The following FHIP2A variants were observed in gnomAD, a reference collection of about 807,000 sequenced individuals.
FHIP2A encodes family with sequence similarity 160 member B1.
A neutral mutation model predicts 93.5 loss-of-function variants in FHIP2A; 46 were observed. That is an observed-to-expected ratio of 0.49 (90% CI 0.39 to 0.63). The LOEUF is 0.63. FHIP2A is among the 20% of genes least tolerant of loss of function. The pLI, the probability that FHIP2A is intolerant of heterozygous loss-of-function variation, is 0.00. For synonymous variants in FHIP2A, 332 were observed against 326.5 expected, an observed-to-expected ratio of 1.02 and a Z score of -0.18; for missense variants, 769 against 909.7, an observed-to-expected ratio of 0.85 and a Z score of 1.99.
intron 16 of FHIP2A, among the ~76,000 whole-genome samples, chr10:114,888,386 T>C (rs1197984834): frequency 6.6e-6 from 1 of 151,960 alleles, no homozygotes; most frequent in East Asian, 1.9e-4. Context: ...AATCTGTAAC[T>C]CCTAAAGGAT....
At chr10:114,843,397 T>C (rs1566370600) in intron 6 of FHIP2A, among the ~76,000 whole-genome samples, 171 bp downstream of exon 6, 1 of 151,806 alleles carries the variant, frequency 6.6e-6, no homozygotes, top group African/African-American at 2.4e-5. Context: ...CCTCCGCCTC[T>C]GGGTTCAAGC....
At position 114,848,695 on chromosome 10, in the gene FHIP2A, G is replaced by T. The variant is rs568323169; in HGVS notation, c.1761G>T (p.Glu587Asp). Residue 587 changes from glutamate to aspartate, a missense_variant, in exon 13 of 17, where the codon GAG (glutamate) becomes GAT (aspartate). Physicochemically the swap from Glu to Asp is conservative, Grantham distance 45. Coordinates refer to ENST00000369248, the MANE Select transcript of FHIP2A (RefSeq NM_020940.4). ...PDDAKSSYHV[E>D]GTGYDTYLRD... ...ACGCAAAATCCTCCTACCATGTTGA[G>T]GGCACAGGATATGACACTTACCTCC... 2 of 1,613,034 alleles carry T rather than the reference G, an allele frequency of 1.2e-6. No homozygotes were observed. Among genetic ancestry groups the T allele is most frequent in the African/African-American group, 2.7e-5 (2 of 74,720 alleles).
intron 14 of FHIP2A, among the ~76,000 whole-genome samples, chr10:114,859,847 CTG>C (rs1475666635): frequency 6.6e-6 from 1 of 152,188 alleles, no homozygotes; most frequent in African/African-American, 2.4e-5. Flanking sequence ...TGATCCCTCT[CTG>C]TAATCACCAT....
chr10:114,832,987 TACAGG>T (rs1266436436), intron 2 of FHIP2A, among the ~76,000 whole-genome samples: 1 of 152,146 alleles, frequency 6.6e-6, no homozygotes, highest in East Asian at 1.9e-4. Context: ...GTGCTGGAAT[TACAGG>T]TGTGAGCCAC....
Position 114,863,442 on chromosome 10 carries a change from G to C in FHIP2A, c.*1902G>C. On this transcript the variant is annotated 3_prime_UTR_variant, in exon 17 of 17. Coordinates refer to ENST00000369248, the MANE Select transcript of FHIP2A (RefSeq NM_020940.4). ...TGAAACCAAATACTCTTTTATCCTTGATTCCACTATGGGACCTTATAACTA... is the reference window on the plus strand; with the variant it reads ...TGAAACCAAATACTCTTTTATCCTTCATTCCACTATGGGACCTTATAACTA... The C allele has an allele frequency of 9.3e-7, 1 of 1,077,588 alleles. No homozygotes were observed. The highest frequency in any genetic ancestry group is 1.1e-6 in the Non-Finnish European group (1 of 884,016). The allele number at this position is 1,077,588 out of a possible 1,614,324, so 66.8% of individuals were successfully genotyped here.
chr10:114,897,940 C>T (rs932293204), intron 16 of FHIP2A, among the ~76,000 whole-genome samples: 2 of 152,090 alleles, frequency 1.3e-5, no homozygotes, highest in Non-Finnish European at 2.9e-5. Flanking sequence ...TGTGACTGAA[C>T]TTGAGAATTA....
chr10:114,892,449 C>G (rs1170400514), intron 16 of FHIP2A, among the ~76,000 whole-genome samples: 1 of 152,054 alleles, frequency 6.6e-6, no homozygotes, highest in Non-Finnish European at 1.5e-5. Flanking sequence ...AGCAGCCTGG[C>G]CAACATGGTG....
rs933794367 is a variant in FHIP2A at position 114,842,966 on chromosome 10, C to T, written c.556C>T (p.Pro186Ser). ...GAAATCATTGGCTTCCAAAGGAGTACCAAATGTAATTTCAGAAGATACATT... is the reference window on the plus strand; with the variant it reads ...GAAATCATTGGCTTCCAAAGGAGTATCAAATGTAATTTCAGAAGATACATT... The part of the protein sequence containing the change: ...KMKSLASKGV[P>S]NVISEDTLKG... The change falls in exon 6 of 17, where the codon CCA (proline) becomes TCA (serine). Residue 186 changes from proline (P) to serine (S), a missense_variant. Pro to Ser is a moderately conservative substitution (Grantham distance 74, BLOSUM62 -1). Coordinates refer to ENST00000369248, the MANE Select transcript of FHIP2A (RefSeq NM_020940.4). The T allele has an allele frequency of 6.2e-7, 1 of 1,607,866 alleles. No homozygotes were observed. Among genetic ancestry groups the T allele is most frequent in the Admixed American group, 1.7e-5 (1 of 59,922 alleles).
intron 16 of FHIP2A, among the ~76,000 whole-genome samples, chr10:114,879,616 C>T (rs1376671946): frequency 3.9e-5 from 6 of 152,112 alleles, no homozygotes; most frequent in Admixed American, 3.9e-4. Context: ...CAGACGATTG[C>T]TCAAATGCCT....
intron 11 of FHIP2A, 75 bp downstream of exon 11, chr10:114,846,803 C>T (rs564555964): frequency 2.6e-5 from 34 of 1,314,950 alleles, no homozygotes; most frequent in Non-Finnish European, 3.4e-5. Flanking sequence ...TTATCTACCT[C>T]CCTTATCCTC....
At chr10:114,881,150 C>T (rs1340022371) in intron 16 of FHIP2A, among the ~76,000 whole-genome samples, 1 of 152,180 alleles carries the variant, frequency 6.6e-6, no homozygotes, top group Non-Finnish European at 1.5e-5. Context: ...CTCCCAGCTC[C>T]CCTTTTGGGG....
At chr10:114,845,249 T>C in intron 7 of FHIP2A, 118 bp from the exon 8 acceptor site, 1 of 546,722 alleles carries the variant, frequency 1.8e-6, no homozygotes, top group Non-Finnish European at 3.4e-6. Flanking sequence ...CAGCATTTCC[T>C]GTGTGAATGT....
intron 14 of FHIP2A, 29 bp downstream of exon 14, chr10:114,855,369 T>A (rs1368475962): frequency 6.3e-7 from 1 of 1,583,140 alleles, no homozygotes; most frequent in Non-Finnish European, 8.6e-7. Flanking sequence ...CTAATTTTCA[T>A]ATTTTTTTTT....
intron 16 of FHIP2A, among the ~76,000 whole-genome samples, chr10:114,899,250 G>A (rs979862965): frequency 6.6e-6 from 1 of 152,234 alleles, no homozygotes; most frequent in African/African-American, 2.4e-5. Context: ...ATGGATGCAA[G>A]TATAACTGAA....
At chr10:114,827,911 A>G (rs1320237087) in intron 1 of FHIP2A, among the ~76,000 whole-genome samples, 3 of 152,140 alleles carry the variant, frequency 2.0e-5, no homozygotes, top group African/African-American at 7.2e-5. Context: ...TTTCATGTCA[A>G]CTTGGGGTTG....
At chr10:114,897,133 G>A (rs1410179601) in intron 16 of FHIP2A, among the ~76,000 whole-genome samples, 1 of 152,180 alleles carries the variant, frequency 6.6e-6, no homozygotes, top group Admixed American at 6.5e-5. Flanking sequence ...CAAGCATTAG[G>A]TCATAGCCTG....
chr10:114,875,763 AAAGAG>A (rs980627254), intron 16 of FHIP2A, among the ~76,000 whole-genome samples: 5 of 151,586 alleles, frequency 3.3e-5, no homozygotes, highest in Non-Finnish European at 4.4e-5. Flanking sequence ...AGAAAGAAAG[AAAGAG>A]AAAAGAGAGA....
At chr10:114,884,120 A>G (rs960824885) in intron 16 of FHIP2A, among the ~76,000 whole-genome samples, 2 of 152,192 alleles carry the variant, frequency 1.3e-5, no homozygotes, top group Admixed American at 6.5e-5. Context: ...AGGTTGTAAG[A>G]GTTAGAAACT....
chr10:114,885,327 G>A (rs147323044), intron 16 of FHIP2A, among the ~76,000 whole-genome samples: 11 of 151,274 alleles, frequency 7.3e-5, no homozygotes, highest in Middle Eastern at 3.4e-3. Flanking sequence ...GCAGGGAGGC[G>A]TAGGTTACAG....
Sources: gnomAD v4.1 joint callset for allele counts (sites outside exome capture counted in the v4.1 genomes callset) on GRCh38, gnomAD v4.1.1 for gene constraint, MANE v1.5 for transcripts, NCBI Gene and HGNC (gene_info 2026-07-23, HGNC 2026-07-21) for gene names.